The following CCNY variants were observed in gnomAD, a reference collection of about 807,000 sequenced individuals.
The protein encoded by CCNY is cyclin Y, also known as cyclin-Y.
Under a neutral mutation model 42.8 loss-of-function variants are expected in CCNY, and 19 were observed. The ratio of observed to expected loss-of-function variants is 0.44; its 90% CI spans 0.31 to 0.65. The LOEUF is 0.65. Among genes scored for constraint, CCNY ranks in the 30% least tolerant of loss-of-function variants. The pLI is 0.07. For synonymous variants in CCNY, 165 were observed against 162.7 expected (o/e 1.01, Z -0.11); for missense variants, 370 against 437.3 (o/e 0.85, Z 1.37).
At chr10:35,332,767 G>A (rs1041629298), upstream of CCNY, among the ~76,000 whole-genome samples, 2 of 152,110 alleles carry the variant, frequency 1.3e-5, no homozygotes, top group Non-Finnish European at 2.9e-5. Context: ...ACCACGCCTG[G>A]CTAATTTTTT....
chr10:35,508,820 C>A (rs553698153), intron 3 of CCNY, among the ~76,000 whole-genome samples: 2 of 152,234 alleles, frequency 1.3e-5, no homozygotes, highest in South Asian at 2.1e-4. Context: ...TTTAGTGTAA[C>A]CACAGAGGTG....
intron 3 of CCNY, chr10:35,251,163 G>A (rs947525469): frequency 3.3e-5 from 5 of 152,280 alleles, no homozygotes; most frequent in Non-Finnish European, 7.3e-5. Flanking sequence ...TTGGGAGGTG[G>A]AGGCAGGAGG....
intron 1 of CCNY, among the ~76,000 whole-genome samples, chr10:35,434,644 CCA>C (rs1277957178): frequency 1.2e-4 from 18 of 152,186 alleles, no homozygotes; most frequent in African/African-American, 4.3e-4. Context: ...ACTCTCCTTT[CCA>C]CTTAGGAAGT....
At chr10:35,336,465 G>T (rs1482434969), upstream of CCNY, 1 of 151,388 alleles carries the variant, frequency 6.6e-6, no homozygotes, top group Non-Finnish European at 1.5e-5. Context: ...CGGGGCGGGG[G>T]CTGCGGCGAG....
rs554253370 is a variant in CCNY, at chr10:35,452,970, T to A, written c.155-30434T>A. ...TGTGGTGACATTGTCTAGAACATTTTAAAAAAAATATTATTTATTTTTAGA... is the reference window on the plus strand; with the variant it reads ...TGTGGTGACATTGTCTAGAACATTTAAAAAAAAATATTATTTATTTTTAGA... On this transcript the variant is annotated intron_variant, in intron 1 of 9. Coordinates refer to ENST00000374704, the MANE Select transcript of CCNY (RefSeq NM_145012.6). Among the ~76,000 whole-genome samples the A allele has an allele frequency of 8.4e-4, 127 of 152,064 alleles. 1 individual carries two copies. Among genetic ancestry groups the A allele is most frequent in the East Asian group, 5.0e-3 (26 of 5,182 alleles).
At chr10:35,329,782 G>C (rs1464013303) in intron 3 of CCNY, among the ~76,000 whole-genome samples, 1 of 152,304 alleles carries the variant, frequency 6.6e-6, no homozygotes, top group East Asian at 1.9e-4. Context: ...CAGCTGGGGA[G>C]AAAGCCTGGC....
At chr10:35,358,251 T>G (rs923426064) in intron 1 of CCNY, among the ~76,000 whole-genome samples, 7 of 151,752 alleles carry the variant, frequency 4.6e-5, no homozygotes, top group Non-Finnish European at 7.4e-5. Context: ...TGATTTTTCT[T>G]GCTGTTTCTG....
intron 1 of CCNY, among the ~76,000 whole-genome samples, chr10:35,416,859 G>A (rs1838035615): frequency 1.3e-5 from 2 of 152,088 alleles, no homozygotes; most frequent in Admixed American, 1.3e-4. Context: ...GGTGGCAGCG[G>A]GACTACACTC....
chr10:35,442,238 G>C (rs1838687068), intron 1 of CCNY, among the ~76,000 whole-genome samples: 2 of 152,114 alleles, frequency 1.3e-5, no homozygotes, highest in Admixed American at 6.5e-5. Context: ...GCCCTCCAAG[G>C]GCTTATGGTG....
At chr10:35,472,670 C>T (rs1287284437) in intron 1 of CCNY, among the ~76,000 whole-genome samples, 1 of 152,198 alleles carries the variant, frequency 6.6e-6, no homozygotes, top group African/African-American at 2.4e-5. Flanking sequence ...TCAGTATATA[C>T]TCGTGACATC....
In CCNY at chr10:35,486,166, G is replaced by T. The variant is rs150405230; in HGVS notation, c.229+2688G>T. On this transcript the variant is annotated intron_variant, in intron 2 of 9. Coordinates refer to ENST00000374704, the MANE Select transcript of CCNY (RefSeq NM_145012.6). ...CTGCCCAGGTCCCTAAGCCAAGGAG[G>T]GCTTTGGATTTTCGTAGACTCTCCT... Among the ~76,000 whole-genome samples, 295 of 152,234 alleles carry T rather than the reference G, an allele frequency of 1.9e-3. 1 individual carries two copies. Among genetic ancestry groups the T allele is most frequent in the Non-Finnish European group, 2.6e-3 (177 of 68,010 alleles).
chr10:35,503,601 C>T (rs767450288), intron 3 of CCNY, among the ~76,000 whole-genome samples: 40 of 152,142 alleles, frequency 2.6e-4, no homozygotes, highest in Non-Finnish European at 4.3e-4. Flanking sequence ...GGAGAAAGGA[C>T]GAGCAATAAT....
At chr10:35,504,208 C>T (rs74866156) in intron 3 of CCNY, among the ~76,000 whole-genome samples, 4 of 152,224 alleles carry the variant, frequency 2.6e-5, no homozygotes, top group Admixed American at 1.3e-4. Context: ...TAAGACAAGG[C>T]GAGTGTTCAC....
intron 3 of CCNY, among the ~76,000 whole-genome samples, chr10:35,256,546 G>A (rs2095715611): frequency 6.6e-6 from 1 of 151,748 alleles, no homozygotes; most frequent in Non-Finnish European, 1.5e-5. Flanking sequence ...AGCCTGGCCA[G>A]GATGGTGAAA....
intron 3 of CCNY, among the ~76,000 whole-genome samples, chr10:35,267,428 T>G (rs1246947000): frequency 6.6e-6 from 1 of 152,106 alleles, no homozygotes; most frequent in Admixed American, 6.6e-5. Flanking sequence ...GCTCAAACAC[T>G]CTGGGGCTGG....
chr10:35,458,479 A>G (rs771397984), intron 1 of CCNY, among the ~76,000 whole-genome samples: 4 of 152,224 alleles, frequency 2.6e-5, no homozygotes, highest in Non-Finnish European at 5.9e-5. Flanking sequence ...TTTATTGAGA[A>G]TCTGGTTGCG....
intron 3 of CCNY, among the ~76,000 whole-genome samples, chr10:35,288,737 T>A (rs1835381230): frequency 6.6e-6 from 1 of 152,232 alleles, no homozygotes; most frequent in Non-Finnish European, 1.5e-5. Flanking sequence ...AGAAGGAATA[T>A]CTTCTCTCCA....
chr10:35,400,568 C>T (rs1837621186), intron 1 of CCNY, among the ~76,000 whole-genome samples: 1 of 152,158 alleles, frequency 6.6e-6, no homozygotes, highest in African/African-American at 2.4e-5. Flanking sequence ...TTCCGACCAA[C>T]CTCTTCTCTA....
At chr10:35,350,435 G>A (rs960155803) in intron 1 of CCNY, among the ~76,000 whole-genome samples, 3 of 152,076 alleles carry the variant, frequency 2.0e-5, no homozygotes, top group Non-Finnish European at 2.9e-5. Flanking sequence ...TGAGGAATAT[G>A]TAAATGGAAT....
Sources: allele counts gnomAD v4.1 joint callset (sites outside exome capture counted in the v4.1 genomes callset), GRCh38; gene constraint gnomAD v4.1.1; transcripts MANE v1.5; gene names NCBI Gene and HGNC (gene_info 2026-07-23, HGNC 2026-07-21).